ASAP1: variants seen among roughly 807,000 people sequenced by gnomAD.
ASAP1 encodes ArfGAP with SH3 domain, ankyrin repeat and PH domain 1, also known as arf-GAP with SH3 domain, ANK repeat and PH domain-containing protein 1.
Under a neutral mutation model 145.2 loss-of-function variants are expected in ASAP1, and 43 were observed. The ratio of observed to expected loss-of-function variants is 0.30; its 90% CI spans 0.23 to 0.38. ASAP1 has a LOEUF of 0.38. Among genes scored for constraint, ASAP1 ranks in the 10% least tolerant of loss-of-function variants. The pLI, the probability that ASAP1 is intolerant of heterozygous loss-of-function variation, is 1.00. For synonymous variants in ASAP1, 546 were observed against 515.5 expected (o/e 1.06, Z -0.80); for missense variants, 1,018 against 1,355.3 (o/e 0.75, Z 3.91).
chr8:130,437,929 T>C (rs1331637803), intron 1 of ASAP1, among the ~76,000 whole-genome samples: 2 of 152,184 alleles, frequency 1.3e-5, no homozygotes, highest in Non-Finnish European at 2.9e-5. Context: ...TTTTCCTAAC[T>C]CTGTGCACCT....
intron 18 of ASAP1, among the ~76,000 whole-genome samples, chr8:130,122,256 A>T (rs896127088): frequency 6.6e-6 from 1 of 152,168 alleles, no homozygotes; most frequent in Non-Finnish European, 1.5e-5. Context: ...ATCTCCTCAG[A>T]ATGTAAGCAG....
chr8:130,131,352 T>C (rs1436334911), intron 15 of ASAP1, among the ~76,000 whole-genome samples: 4 of 152,142 alleles, frequency 2.6e-5, no homozygotes, highest in Admixed American at 2.6e-4. Context: ...ACTGCCTCTA[T>C]GTAACCTGGA....
intron 1 of ASAP1, among the ~76,000 whole-genome samples, chr8:130,424,714 C>A (rs2138729121): frequency 6.6e-6 from 1 of 152,152 alleles, no homozygotes; most frequent in South Asian, 2.1e-4. Flanking sequence ...ACAAAACAGG[C>A]CAGGCGTGGT....
intron 12 of ASAP1, among the ~76,000 whole-genome samples, chr8:130,154,837 T>C (rs2097654787): frequency 6.6e-6 from 1 of 152,262 alleles, no homozygotes; most frequent in African/African-American, 2.4e-5. Flanking sequence ...ATTTAACTAC[T>C]AATTGATAAA....
chr8:130,418,748 C>A (rs1829593127), intron 1 of ASAP1, among the ~76,000 whole-genome samples: 1 of 147,898 alleles, frequency 6.8e-6, no homozygotes. Flanking sequence ...TGGATAGAAT[C>A]ATACAATAGG....
At chr8:130,374,233 T>C (rs995793780) in intron 2 of ASAP1, among the ~76,000 whole-genome samples, 1 of 152,226 alleles carries the variant, frequency 6.6e-6, no homozygotes, top group Non-Finnish European at 1.5e-5. Context: ...AAACATTAAA[T>C]AAGATATGTG....
At chr8:130,360,229 G>C (rs963369098) in intron 2 of ASAP1, among the ~76,000 whole-genome samples, 1 of 152,202 alleles carries the variant, frequency 6.6e-6, no homozygotes, top group African/African-American at 2.4e-5. Context: ...ATAGTATAAA[G>C]AATCTGCAGA....
chr8:130,373,109 T>TACACACAC lies in ASAP1; in HGVS notation c.60-14967_60-14966insGTGTGTGT, dbSNP rs147535116. ...ACCCCCCCACACACACAGAAATACA[T>TACACACAC]ATACACACACACACACACACACACA... On this transcript the variant is annotated intron_variant, in intron 2 of 29. Transcript: ENST00000518721. 2.3e-3 allele frequency among the ~76,000 whole-genome samples: 291 copies of TACACACAC among 127,660 alleles called. 14 individuals are homozygous for TACACACAC. The highest frequency in any genetic ancestry group is 3.4e-3 in the South Asian group (12 of 3,572). 83.7% of individuals were successfully genotyped at this position (127,660 alleles called of 152,430 possible). A position where few individuals can be genotyped will look rare whatever the true frequency, so the allele number is the denominator to read the frequency against.
intron 3 of ASAP1, among the ~76,000 whole-genome samples, chr8:130,295,728 C>T (rs1822231009): frequency 6.6e-6 from 1 of 152,106 alleles, no homozygotes; most frequent in Non-Finnish European, 1.5e-5. Context: ...ACTTGGGCTG[C>T]CACTGGTTTC....
intron 5 of ASAP1, among the ~76,000 whole-genome samples, chr8:130,211,811 A>G (rs983901177): frequency 6.6e-6 from 1 of 152,268 alleles, no homozygotes; most frequent in African/African-American, 2.4e-5. Flanking sequence ...TACAAAGTCT[A>G]TAAAGTACCA....
chr8:130,313,727 T>C (rs1823496906), intron 3 of ASAP1, among the ~76,000 whole-genome samples: 1 of 152,222 alleles, frequency 6.6e-6, no homozygotes, highest in Non-Finnish European at 1.5e-5. Context: ...AAAAATCTTA[T>C]GAATTTTTAT....
At chr8:130,249,955 A>G (rs539025217) in intron 3 of ASAP1, among the ~76,000 whole-genome samples, 1 of 152,334 alleles carries the variant, frequency 6.6e-6, no homozygotes, top group Admixed American at 6.5e-5. Flanking sequence ...CGTATTTTCA[A>G]ATCCTAGGAA....
intron 7 of ASAP1, among the ~76,000 whole-genome samples, chr8:130,184,557 G>A (rs1814590314): frequency 6.6e-6 from 1 of 152,192 alleles, no homozygotes; most frequent in Non-Finnish European, 1.5e-5. Context: ...AGATTGTGGA[G>A]GACAATACAG....
intron 5 of ASAP1, among the ~76,000 whole-genome samples, chr8:130,191,636 G>A (rs1053400427): frequency 2.0e-5 from 3 of 152,238 alleles, no homozygotes; most frequent in South Asian, 2.1e-4. Flanking sequence ...AAGGACCAAC[G>A]CTGACTTGAA....
chr8:130,089,100 CACT>C (rs2097500168), intron 25 of ASAP1, among the ~76,000 whole-genome samples: 3 of 152,162 alleles, frequency 2.0e-5, no homozygotes, highest in Admixed American at 1.3e-4. Context: ...CTGTGATACC[CACT>C]ACACCAGTGG....
In ASAP1 at chr8:130,167,617, T is replaced by C; in HGVS notation, c.828A>G (p.Lys276=). The C allele has an allele frequency of 6.2e-7, 1 of 1,605,872 alleles. No homozygotes were observed. The highest frequency in any genetic ancestry group is 1.4e-5 in the African/African-American group (1 of 73,508). ...EKLAADLYNI[K]QTQDEEKKQL... ...GTTTCTTTTCTTCATCCTGGGTCTG[T>C]TTTATCTATGAAAAAAAAATTACTT... is the stretch of plus-strand genomic sequence containing the variant. The change falls in exon 11 of 30, where the codon AAA becomes AAG. Residue 276 remains lysine, a synonymous_variant. Coordinates refer to ENST00000518721, the MANE Select transcript of ASAP1 (RefSeq NM_018482.4).
intron 3 of ASAP1, among the ~76,000 whole-genome samples, chr8:130,240,842 G>GTTT (rs1818481201): frequency 6.6e-6 from 1 of 152,134 alleles, no homozygotes; most frequent in Admixed American, 6.6e-5. Flanking sequence ...GTCCTAACAA[G>GTTT]TTTTGTCATT....
intron 3 of ASAP1, among the ~76,000 whole-genome samples, chr8:130,283,130 T>C (rs1821351530): frequency 6.6e-6 from 1 of 152,236 alleles, no homozygotes; most frequent in Non-Finnish European, 1.5e-5. Flanking sequence ...AGTGGGCCAC[T>C]ACGTTGTGAG....
chr8:130,301,756 T>G (rs893275640), intron 3 of ASAP1, among the ~76,000 whole-genome samples: 1 of 152,234 alleles, frequency 6.6e-6, no homozygotes, highest in African/African-American at 2.4e-5. Flanking sequence ...GTTTTCCAGT[T>G]AATACAACAC....
Sources: gnomAD v4.1 joint callset for allele counts (sites outside exome capture counted in the v4.1 genomes callset) on GRCh38, gnomAD v4.1.1 for gene constraint, MANE v1.5 for transcripts, NCBI Gene and HGNC (gene_info 2026-07-23, HGNC 2026-07-21) for gene names.